The following LTBP1 variants were observed in gnomAD, a reference collection of about 807,000 sequenced individuals.
The protein encoded by LTBP1 is latent-transforming growth factor beta-binding protein 1.
LTBP1 carries 129 observed loss-of-function variants against 207.6 expected under a neutral mutation model. That is an observed-to-expected ratio of 0.62 (90% CI 0.54 to 0.72). LTBP1 has a LOEUF of 0.72. Ranked by LOEUF, LTBP1 falls within the 30% of genes least tolerant of loss-of-function variation. The probability of loss-of-function intolerance (pLI) is 0.00; values close to 1 mark genes in which losing one functional copy is unlikely to be tolerated. For synonymous variants in LTBP1, 963 were observed against 833.7 expected, an observed-to-expected ratio of 1.16 and a Z score of -2.67; for missense variants, 2,281 against 2,217.2, an observed-to-expected ratio of 1.03 and a Z score of -0.58.
intron 9 of LTBP1, among the ~76,000 whole-genome samples, chr2:33,227,917 G>A (rs2091539614): frequency 6.9e-6 from 1 of 144,268 alleles, no homozygotes. Flanking sequence ...CAATTCTCCT[G>A]CCTCAGCCTC....
At chr2:32,962,135 G>C (rs1161714355) in intron 2 of LTBP1, among the ~76,000 whole-genome samples, 1 of 151,832 alleles carries the variant, frequency 6.6e-6, no homozygotes, top group Non-Finnish European at 1.5e-5. Flanking sequence ...CTAAAGAATT[G>C]GTGTCTCTGA....
At chr2:33,112,721 C>T (rs1417608373) in intron 4 of LTBP1, among the ~76,000 whole-genome samples, 3 of 152,056 alleles carry the variant, frequency 2.0e-5, no homozygotes, top group Admixed American at 6.6e-5. Flanking sequence ...GGAGTAAGAA[C>T]CACAAAAGAT....
chr2:33,280,466 C>T (rs896465338), intron 19 of LTBP1, among the ~76,000 whole-genome samples: 6 of 152,068 alleles, frequency 3.9e-5, no homozygotes, highest in African/African-American at 1.4e-4. Flanking sequence ...GAGAGCAAAA[C>T]ACTTAAAAAG....
In LTBP1 at chr2:33,134,542, T is replaced by C. The variant is rs1255727485; in HGVS notation, c.1034-251T>C. On this transcript the variant is annotated intron_variant, in intron 4 of 33. Transcript: ENST00000404816. This position sits in a 1 kb window ranked among gnomAD's most constrained non-coding sequence, Gnocchi z 4.4. The stretch of plus-strand genomic sequence containing the variant: ...CACTCCAGTGACTCGACTTCAAATG[T>C]GGTTTTGGAGTGCATCCCAGAGTTC... The C allele has an allele frequency of 1.3e-6, 2 of 1,515,984 alleles. No individual in the cohort carries two copies. 93.9% of individuals were successfully genotyped at this position (1,515,984 alleles called of 1,614,324 possible).
In LTBP1 at chr2:33,230,741, A is replaced by G. The variant is rs548456460; in HGVS notation, c.1876+8590A>G. ...AAGTTAGATGTAAATCTAAGTTTCAAAAATAGAATTTGGTTCTGAAAGTAC... is the reference window on the plus strand; with the variant it reads ...AAGTTAGATGTAAATCTAAGTTTCAGAAATAGAATTTGGTTCTGAAAGTAC... On this transcript the variant is annotated intron_variant, in intron 9 of 33. Transcript: ENST00000404816. Among the ~76,000 whole-genome samples, 400 of 152,346 alleles carry G rather than the reference A, an allele frequency of 2.6e-3. 2 individuals carry two copies. In the Middle Eastern group the frequency reaches 0.034, roughly 13 times the overall value.
Position 33,200,812 on chromosome 2 carries a change from C to T in LTBP1, c.1701+11961C>T, listed in dbSNP as rs536188499. Among the ~76,000 whole-genome samples, 270 of 152,114 alleles carry T rather than the reference C, an allele frequency of 1.8e-3. 3 individuals carry two copies. Among genetic ancestry groups the T allele is most frequent in the African/African-American group, 5.1e-3 (210 of 41,474 alleles). ...ACAAACAACCCCATCAAAAAGTGGG[C>T]GAAGGATATGAACAGACACTTCTCA... On this transcript the variant is annotated intron_variant, in intron 7 of 33. Transcript: ENST00000404816.
At chr2:33,243,577 GA>G in intron 9 of LTBP1, 84 bp from the exon 10 acceptor site, 2 of 1,279,530 alleles carry the variant, frequency 1.6e-6, no homozygotes, top group Non-Finnish European at 2.2e-6. Flanking sequence ...TTACTATAGT[GA>G]AAAAGGAAGT....
intron 10 of LTBP1, among the ~76,000 whole-genome samples, chr2:33,249,781 G>A (rs531774691): frequency 6.6e-6 from 1 of 152,272 alleles, no homozygotes; most frequent in East Asian, 1.9e-4. Context: ...CACAAAATAG[G>A]ATCTGACAAA....
chr2:33,154,936 G>A (rs977299024), intron 5 of LTBP1, among the ~76,000 whole-genome samples: 2 of 152,174 alleles, frequency 1.3e-5, no homozygotes, highest in African/African-American at 4.8e-5. Context: ...GGTGGTGGGT[G>A]CCTGTAAGTC....
At chr2:32,985,544 A>G (rs570215762) in intron 2 of LTBP1, among the ~76,000 whole-genome samples, 2 of 152,306 alleles carry the variant, frequency 1.3e-5, no homozygotes, top group South Asian at 2.1e-4. Context: ...CTAAGGGACA[A>G]TGAGCCCTCT....
chr2:33,385,805 T>G (rs2095260787), intron 31 of LTBP1, among the ~76,000 whole-genome samples: 1 of 151,916 alleles, frequency 6.6e-6, no homozygotes, highest in Non-Finnish European at 1.5e-5. Context: ...AAAATACATT[T>G]CCTGGTGATG....
chr2:33,348,823 A>T (rs1464247331), intron 26 of LTBP1, among the ~76,000 whole-genome samples: 1 of 152,226 alleles, frequency 6.6e-6, no homozygotes, highest in East Asian at 1.9e-4. Context: ...GTGAGAATAC[A>T]TAAAAAGGTA....
chr2:33,032,110 C>G (rs1012869053), intron 3 of LTBP1, among the ~76,000 whole-genome samples: 6 of 152,140 alleles, frequency 3.9e-5, no homozygotes, highest in Non-Finnish European at 8.8e-5. Context: ...TATGTGTAGT[C>G]TAATGTTGAT....
At chr2:33,071,645 A>ACAG (rs1294495459) in intron 3 of LTBP1, among the ~76,000 whole-genome samples, 3 of 151,946 alleles carry the variant, frequency 2.0e-5, no homozygotes, top group South Asian at 2.1e-4. Context: ...TGATGTCGTA[A>ACAG]CAAGTCATAA....
At position 32,965,061 on chromosome 2, in the gene LTBP1, C is replaced by G. The variant is rs559927008; in HGVS notation, c.565+16116C>G. Among the ~76,000 whole-genome samples the G allele has an allele frequency of 2.0e-5, 3 of 152,104 alleles. No individual in the cohort carries two copies. In the East Asian group the frequency reaches 5.8e-4, roughly 29 times the overall value. On this transcript the variant is annotated intron_variant, in intron 2 of 33. Transcript: ENST00000404816. ...TAATAAAAAAAACAAAAAACAAAAA[C>G]AAACTTTAGTCCTTACTCCTTCAGT...
intron 3 of LTBP1, among the ~76,000 whole-genome samples, chr2:33,042,199 T>G (rs1268648156): frequency 6.6e-6 from 1 of 152,258 alleles, no homozygotes; most frequent in African/African-American, 2.4e-5. Context: ...TTGTGCTATT[T>G]ATTTTCTTAC....
At position 33,293,254 on chromosome 2, in the gene LTBP1, C is replaced by G. The variant is rs762039930; in HGVS notation, c.3207C>G (p.Thr1069=). 3 of 1,613,776 alleles carry G rather than the reference C, an allele frequency of 1.9e-6. No individual in the cohort carries two copies. Among genetic ancestry groups the G allele is most frequent in the South Asian group, 1.1e-5 (1 of 90,968 alleles). The change falls in exon 20 of 34, where the codon ACC becomes ACG. Residue 1069 remains threonine (T), a synonymous_variant. Coordinates refer to ENST00000404816, the MANE Select transcript of LTBP1 (RefSeq NM_206943.4). ...TGTGTTCATGCCACAAAGGCTATAC[C>G]CGGACTCCGGACCACAAGCACTGTA... is the stretch of plus-strand genomic sequence containing the variant. The part of the protein sequence containing the change: ...SYMCSCHKGY[T]RTPDHKHCRD...
intron 3 of LTBP1, among the ~76,000 whole-genome samples, chr2:33,064,748 C>T (rs1018337530): frequency 6.6e-6 from 1 of 152,170 alleles, no homozygotes; most frequent in Non-Finnish European, 1.5e-5. Flanking sequence ...CTTGAAAAGA[C>T]AGGCCAGAAG....
At chr2:33,022,209 C>G (rs1258016438) in intron 3 of LTBP1, among the ~76,000 whole-genome samples, 1 of 151,086 alleles carries the variant, frequency 6.6e-6, no homozygotes, top group Admixed American at 6.6e-5. Context: ...AATAGACCAC[C>G]TACTGTTTCT....
Sources: gnomAD v4.1 joint callset for allele counts (sites outside exome capture counted in the v4.1 genomes callset) on GRCh38, gnomAD v4.1.1 for gene constraint, Gnocchi (gnomAD v3.1) non-coding constraint, MANE v1.5 for transcripts, NCBI Gene and HGNC (gene_info 2026-07-23, HGNC 2026-07-21) for gene names.